SPMIP2: variants seen among roughly 807,000 people sequenced by gnomAD.
The protein encoded by SPMIP2 is protein SPMIP2.
the SPMIP2 span, among the ~76,000 whole-genome samples, chr4:159,028,260 T>G: frequency 2.0e-5 from 3 of 152,244 alleles, no homozygotes; most frequent in African/African-American, 7.2e-5. Context: ...TATATTTAAT[T>G]TGAGCCAAGT....
the SPMIP2 span, among the ~76,000 whole-genome samples, chr4:159,029,546 A>G: frequency 6.6e-6 from 1 of 152,226 alleles, no homozygotes; most frequent in East Asian, 1.9e-4. Flanking sequence ...AAATTCCAAG[A>G]TCCATCTGCA....
chr4:159,037,783 TATAC>T, the SPMIP2 span, among the ~76,000 whole-genome samples: 2,751 of 97,554 alleles, frequency 0.028, 71 homozygotes, highest in African/African-American at 0.088. Flanking sequence ...AAAAACAATA[TATAC>T]ACACACACAC....
chr4:159,027,827 T>G, the SPMIP2 span, among the ~76,000 whole-genome samples: 1 of 152,198 alleles, frequency 6.6e-6, no homozygotes, highest in Non-Finnish European at 1.5e-5. Flanking sequence ...ACATATACAT[T>G]TATGTGCTTC....
the SPMIP2 span, among the ~76,000 whole-genome samples, chr4:159,048,377 T>C: frequency 6.6e-6 from 1 of 152,210 alleles, no homozygotes; most frequent in Non-Finnish European, 1.5e-5. Context: ...GCGCATGTTT[T>C]CCCACGTACA....
At chr4:159,051,042 G>T in the SPMIP2 span, among the ~76,000 whole-genome samples, 2 of 151,780 alleles carry the variant, frequency 1.3e-5, no homozygotes, top group Non-Finnish European at 2.9e-5. Context: ...AGGAGGCAGA[G>T]GTTGCAGTGA....
chr4:158,991,973 C>T, the SPMIP2 span, among the ~76,000 whole-genome samples: 1 of 152,134 alleles, frequency 6.6e-6, no homozygotes, highest in Non-Finnish European at 1.5e-5. Context: ...CTCACTGCAG[C>T]CTTGACCACC....
At chr4:159,037,825 CACAT>C in the SPMIP2 span, among the ~76,000 whole-genome samples, 3,087 of 102,186 alleles carry the variant, frequency 0.03, 87 homozygotes, top group Admixed American at 0.13. Context: ...CACACACACA[CACAT>C]ATATATATGT....
At chr4:159,080,877 C>T in the SPMIP2 span, among the ~76,000 whole-genome samples, 14 of 151,882 alleles carry the variant, frequency 9.2e-5, no homozygotes, top group African/African-American at 3.1e-4. Flanking sequence ...GCGCCCACCA[C>T]CATGCCCGGC....
the SPMIP2 span, among the ~76,000 whole-genome samples, chr4:158,999,234 A>G: frequency 6.6e-6 from 1 of 152,172 alleles, no homozygotes; most frequent in East Asian, 1.9e-4. Flanking sequence ...TTTTGCTTCA[A>G]AAAGAGAAAA....
the SPMIP2 span, among the ~76,000 whole-genome samples, chr4:158,930,946 T>C: frequency 2.6e-5 from 4 of 152,174 alleles, no homozygotes; most frequent in African/African-American, 9.7e-5. Context: ...CTTGAATATA[T>C]AGATTACTGT....
chr4:158,934,333 A>G, the SPMIP2 span, among the ~76,000 whole-genome samples: 1 of 152,178 alleles, frequency 6.6e-6, no homozygotes, highest in Non-Finnish European at 1.5e-5. Context: ...GTGGTGGTGG[A>G]TGCCTATAAC....
At chr4:159,041,058 C>T in the SPMIP2 span, among the ~76,000 whole-genome samples, 2 of 152,134 alleles carry the variant, frequency 1.3e-5, no homozygotes, top group Admixed American at 6.5e-5. Flanking sequence ...CCTGAAAAAA[C>T]ATAGATGATT....
At chr4:159,005,211 G>A in the SPMIP2 span, among the ~76,000 whole-genome samples, 2 of 102,980 alleles carry the variant, frequency 1.9e-5, no homozygotes, top group Non-Finnish European at 3.6e-5. Flanking sequence ...GACAGAGTGA[G>A]ACTCCGCCTC....
At chr4:159,017,848 G>A in the SPMIP2 span, among the ~76,000 whole-genome samples, 1 of 152,210 alleles carries the variant, frequency 6.6e-6, no homozygotes, top group Non-Finnish European at 1.5e-5. Context: ...ATGGTAAAGA[G>A]GAAGTCTTGG....
At chr4:158,934,203 G>A in the SPMIP2 span, among the ~76,000 whole-genome samples, 4 of 152,140 alleles carry the variant, frequency 2.6e-5, no homozygotes, top group Admixed American at 6.5e-5. Context: ...GCTCACACCC[G>A]TAATCCCAGC....
the SPMIP2 span, among the ~76,000 whole-genome samples, chr4:159,080,024 AATCAAAT>A: frequency 6.6e-6 from 1 of 150,974 alleles, no homozygotes; most frequent in African/African-American, 2.5e-5. Context: ...ATTATCAAAT[AATCAAAT>A]AATAATAAAA....
At chr4:158,921,448 TAAAAAAAAAAGGA>T in the SPMIP2 span, among the ~76,000 whole-genome samples, 6 of 149,818 alleles carry the variant, frequency 4.0e-5, no homozygotes, top group Non-Finnish European at 5.9e-5. Flanking sequence ...TCTCAAAATT[TAAAAAAAAAAGGA>T]AAAAGAAAAA....
the SPMIP2 span, among the ~76,000 whole-genome samples, chr4:158,993,174 A>G: frequency 6.6e-6 from 1 of 152,048 alleles, no homozygotes; most frequent in Non-Finnish European, 1.5e-5. Flanking sequence ...CAGCCTCGGC[A>G]ACATAGTAAG....
At chr4:159,041,568 C>A in the SPMIP2 span, among the ~76,000 whole-genome samples, 1 of 152,184 alleles carries the variant, frequency 6.6e-6, no homozygotes, top group Non-Finnish European at 1.5e-5. Flanking sequence ...AATAGAACCA[C>A]CACCACAACC....
Sources: allele counts gnomAD v4.1 joint callset (sites outside exome capture counted in the v4.1 genomes callset), GRCh38; gene constraint gnomAD v4.1.1; transcripts MANE v1.5; gene names NCBI Gene and HGNC (gene_info 2026-07-23, HGNC 2026-07-21).